FGGY: variants seen among roughly 807,000 people sequenced by gnomAD.
FGGY encodes the protein FGGY carbohydrate kinase domain containing.
FGGY carries 72 observed loss-of-function variants against 71.3 expected under a neutral mutation model. The observed-to-expected ratio is 1.01, with a 90% CI of 0.84 to 1.23. The LOEUF (loss-of-function observed/expected upper bound fraction) is 1.23, where lower values mean the gene tolerates loss of function less well. FGGY is among the 50% of genes most tolerant of loss of function. FGGY has a pLI of 0.00. For missense variants in FGGY, 668 were observed against 682.3 expected, an observed-to-expected ratio of 0.98 and a Z score of 0.23; for synonymous variants, 251 against 250.3, an observed-to-expected ratio of 1.00 and a Z score of -0.02.
rs555770219 is a variant in FGGY, at chr1:59,337,225, T to G, written c.202-2733T>G. ...CCGACAATGCAGTCCTGAATAAGTC[T>G]GAGGGTGAAGGCCTGAGAGCCCCAG... On this transcript the variant is annotated intron_variant, in intron 2 of 15. Coordinates refer to ENST00000303721, the MANE Select transcript of FGGY (RefSeq NM_018291.5). 2.0e-5 allele frequency among the ~76,000 whole-genome samples: 3 copies of G among 152,126 alleles called. No homozygotes were observed. The East Asian group carries it at 5.8e-4, about 29-fold the overall frequency.
intron 5 of FGGY, among the ~76,000 whole-genome samples, chr1:59,408,596 G>T (rs1379775554): frequency 1.3e-5 from 2 of 152,162 alleles, no homozygotes; most frequent in Non-Finnish European, 2.9e-5. Flanking sequence ...AAATATATAT[G>T]TATATGCAGG....
intron 9 of FGGY, among the ~76,000 whole-genome samples, chr1:59,613,498 G>C (rs1013861147): frequency 4.6e-5 from 7 of 152,150 alleles, no homozygotes; most frequent in African/African-American, 1.7e-4. Context: ...CTTCAAAGTA[G>C]TGTGTAGAGG....
chr1:59,734,530 G>A (rs1428304622), intron 14 of FGGY, among the ~76,000 whole-genome samples: 2 of 152,180 alleles, frequency 1.3e-5, no homozygotes, highest in African/African-American at 4.8e-5. Context: ...CCTCTCCTCT[G>A]CTAGACACAT....
At chr1:59,512,931 C>G (rs2094553040) in intron 7 of FGGY, among the ~76,000 whole-genome samples, 2 of 152,122 alleles carry the variant, frequency 1.3e-5, no homozygotes, top group Non-Finnish European at 1.5e-5. Context: ...ATAAAACACC[C>G]GTTGAACACT....
At chr1:59,615,315 A>G (rs1412293704) in intron 9 of FGGY, among the ~76,000 whole-genome samples, 1 of 152,144 alleles carries the variant, frequency 6.6e-6, no homozygotes, top group East Asian at 1.9e-4. Flanking sequence ...TAGACCAATG[A>G]AACAGAACAG....
At chr1:59,691,551 A>G (rs909429049) in intron 14 of FGGY, among the ~76,000 whole-genome samples, 1 of 151,938 alleles carries the variant, frequency 6.6e-6, no homozygotes, top group African/African-American at 2.4e-5. Flanking sequence ...TTGCTTCACT[A>G]GCAGAGGGGA....
intron 7 of FGGY, among the ~76,000 whole-genome samples, chr1:59,545,850 G>A (rs1230402806): frequency 6.6e-6 from 1 of 152,174 alleles, no homozygotes; most frequent in Non-Finnish European, 1.5e-5. Context: ...TGTAATTGTG[G>A]CTTTTCATGA....
chr1:59,458,041 G>A (rs187903404), intron 6 of FGGY, among the ~76,000 whole-genome samples: 49 of 152,316 alleles, frequency 3.2e-4, no homozygotes, highest in African/African-American at 1.1e-3. Flanking sequence ...ACCTGGCATG[G>A]AATCAATAAA....
In FGGY at chr1:59,762,554, GGAGT is replaced by G. The variant is rs747593219; in HGVS notation, c.1627_1630del (p.Glu543IlefsTer5). On this transcript the variant is annotated frameshift_variant, in exon 16 of 16. Transcript: ENST00000303721. LOFTEE classifies it high-confidence loss of function. ...TCCTGAAGCTGGTTGAACACCAGAA[GGAGT>G]ATTTGGCGATCATGAATGATGACTG... 5 of 1,613,804 alleles carry G rather than the reference GGAGT, an allele frequency of 3.1e-6. No individual in the cohort carries two copies. In the African/African-American group the frequency reaches 5.3e-5, roughly 17 times the overall value.
intron 6 of FGGY, among the ~76,000 whole-genome samples, chr1:59,492,277 G>T (rs993335179): frequency 1.3e-5 from 2 of 151,914 alleles, no homozygotes; most frequent in African/African-American, 4.8e-5. Context: ...TTCATATTAG[G>T]GGCTCTCTTC....
Position 59,573,439 on chromosome 1 carries a change from CATATGTGTGTGTGTATAT to C in FGGY, c.903+19219_903+19236del, listed in dbSNP as rs573806871. ...TTCAGAAAAACTACATACATATACA[CATATGTGTGTGTGTATAT>C]ATATGTTCATATATATACACACATG... On this transcript the variant is annotated intron_variant, in intron 8 of 15. Coordinates refer to ENST00000303721, the MANE Select transcript of FGGY (RefSeq NM_018291.5). 2.2e-4 allele frequency among the ~76,000 whole-genome samples: 33 copies of C among 151,918 alleles called. No individual in the cohort carries two copies. The East Asian group carries it at 6.0e-3, about 28-fold the overall frequency.
chr1:59,691,144 C>T (rs1380194671), intron 14 of FGGY, among the ~76,000 whole-genome samples: 1 of 152,238 alleles, frequency 6.6e-6, no homozygotes, highest in African/African-American at 2.4e-5. Flanking sequence ...CCTCTTTCCC[C>T]ACTGCCTGGC....
chr1:59,595,434 T>A (rs2096509635), intron 8 of FGGY, among the ~76,000 whole-genome samples: 1 of 152,196 alleles, frequency 6.6e-6, no homozygotes, highest in Non-Finnish European at 1.5e-5. Context: ...CTCATGCCTG[T>A]AATCCCAGCA....
In FGGY at chr1:59,624,498, C is replaced by T. The variant is rs77125888; in HGVS notation, c.1012-1490C>T. 2.3e-3 allele frequency among the ~76,000 whole-genome samples: 349 copies of T among 152,312 alleles called. 4 individuals are homozygous for T. Among genetic ancestry groups the T allele is most frequent in the African/African-American group, 7.9e-3 (328 of 41,570 alleles). On this transcript the variant is annotated intron_variant, in intron 9 of 15. Coordinates refer to ENST00000303721, the MANE Select transcript of FGGY (RefSeq NM_018291.5). ...TATATTTCACGTGATATCATTTATA[C>T]TACTGTTGGCACTATAGTAGTGTAT... is the stretch of plus-strand genomic sequence containing the variant.
chr1:59,749,741 A>G (rs1008418), intron 14 of FGGY, among the ~76,000 whole-genome samples: 1,975 of 152,302 alleles, frequency 0.013, 55 homozygotes, highest in African/African-American at 0.045. Flanking sequence ...GTTGTGTTTT[A>G]CCTCAAATAA....
chr1:59,517,508 G>A (rs985244929), intron 7 of FGGY, among the ~76,000 whole-genome samples: 9 of 151,882 alleles, frequency 5.9e-5, no homozygotes, highest in East Asian at 1.9e-4. Flanking sequence ...CTCGTGATCC[G>A]CCCGCCTCGG....
intron 14 of FGGY, among the ~76,000 whole-genome samples, chr1:59,721,940 A>T (rs1487108055): frequency 6.6e-6 from 1 of 152,252 alleles, no homozygotes; most frequent in African/African-American, 2.4e-5. Context: ...TTGTGAGCAC[A>T]GTAATAGAAG....
At chr1:59,674,454 TCA>T (rs559655729) in intron 14 of FGGY, among the ~76,000 whole-genome samples, 144 of 152,332 alleles carry the variant, frequency 9.5e-4, no homozygotes, top group Non-Finnish European at 1.8e-3. Flanking sequence ...GCTCAAAACT[TCA>T]GTGTTTCATG....
intron 9 of FGGY, among the ~76,000 whole-genome samples, chr1:59,610,935 C>A (rs922218615): frequency 6.6e-6 from 1 of 152,240 alleles, no homozygotes; most frequent in African/African-American, 2.4e-5. Flanking sequence ...AGTCTCAGAT[C>A]CAACTGCAAG....
Sources: gnomAD v4.1 joint callset for allele counts (sites outside exome capture counted in the v4.1 genomes callset) on GRCh38, gnomAD v4.1.1 for gene constraint, MANE v1.5 for transcripts, NCBI Gene and HGNC (gene_info 2026-07-23, HGNC 2026-07-21) for gene names.